Variants in RUVBL1 observed in about 807,000 individuals in gnomAD.
The protein encoded by RUVBL1 is RuvB like AAA ATPase 1, also known as ruvB-like 1.
A neutral mutation model predicts 52.4 loss-of-function variants in RUVBL1; 4 were observed. The ratio of observed to expected loss-of-function variants is 0.08; its 90% confidence interval spans 0.04 to 0.17. The LOEUF is 0.17. RUVBL1 is among the 10% of genes least tolerant of loss of function. The probability of loss-of-function intolerance (pLI) is 1.00; values close to 1 mark genes in which losing one functional copy is unlikely to be tolerated. For synonymous variants in RUVBL1, 217 were observed against 214.4 expected (o/e 1.01, Z -0.10); for missense variants, 298 against 572.8 (o/e 0.52, Z 4.90).
At chr3:128,101,169 A>G (rs774082045) in intron 5 of RUVBL1, among the ~76,000 whole-genome samples, 1 of 152,218 alleles carries the variant, frequency 6.6e-6, no homozygotes, top group Non-Finnish European at 1.5e-5. Context: ...AAGAATGCCA[A>G]CGAATGCAGC....
At chr3:128,125,103 C>T (rs1158226649), upstream of RUVBL1, among the ~76,000 whole-genome samples, 1 of 150,110 alleles carries the variant, frequency 6.7e-6, no homozygotes, top group Non-Finnish European at 1.5e-5. Context: ...CAAGCTCCGC[C>T]TCCCGGGTTC....
intron 8 of RUVBL1, among the ~76,000 whole-genome samples, chr3:128,090,482 G>A (rs1305336424): frequency 6.6e-6 from 1 of 152,198 alleles, no homozygotes; most frequent in East Asian, 1.9e-4. Context: ...TCGTGTCACT[G>A]CACTCCAGCC....
downstream of RUVBL1, among the ~76,000 whole-genome samples, chr3:128,080,107 C>T (rs1942428358): frequency 6.6e-6 from 1 of 152,134 alleles, no homozygotes; most frequent in Non-Finnish European, 1.5e-5. Context: ...GCCCTTGCTG[C>T]TTACTTAGTG....
chr3:128,104,199 G>A (rs1943171309), intron 4 of RUVBL1, among the ~76,000 whole-genome samples: 1 of 152,202 alleles, frequency 6.6e-6, no homozygotes, highest in Non-Finnish European at 1.5e-5. Context: ...ACAGGTGGCT[G>A]AGGACTGTCT....
chr3:128,143,766 G>A (rs1944065231), intron 1 of RUVBL1, among the ~76,000 whole-genome samples: 1 of 152,156 alleles, frequency 6.6e-6, no homozygotes, highest in Admixed American at 6.5e-5. Context: ...GATGGACCAT[G>A]CTGCTTGGTT....
chr3:128,077,396 T>C (rs944446201), downstream of RUVBL1, among the ~76,000 whole-genome samples: 2 of 152,116 alleles, frequency 1.3e-5, no homozygotes, highest in African/African-American at 4.8e-5. Context: ...AGTGGCTGCA[T>C]ACTGGAGGAA....
exon 10 of RUVBL1, chr3:128,064,894 G>T: frequency 6.2e-7 from 1 of 1,608,400 alleles, no homozygotes; most frequent in South Asian, 1.1e-5. Context: ...ATTTGAAGGT[G>T]CTATCATCGC....
intron 1 of RUVBL1, among the ~76,000 whole-genome samples, chr3:128,122,430 C>A (rs915754590): frequency 6.6e-6 from 1 of 152,128 alleles, no homozygotes; most frequent in African/African-American, 2.4e-5. Context: ...CATACTAAAG[C>A]GGGGAAGGGA....
Position 128,065,425 on chromosome 3 carries a change from A to G in RUVBL1, c.940-205T>C, listed in dbSNP as rs377323094. On this transcript the variant is annotated intron_variant, in intron 9 of 9. Transcript: ENST00000464873. ...AACTTCTGCATCTCGGAAACGGCCT[A>G]TCTTCTTAAGCTGTCTTACCTTTAA... Among the ~76,000 whole-genome samples, 237 of 152,324 alleles carry G rather than the reference A, an allele frequency of 1.6e-3. 1 individual carries two copies. Among genetic ancestry groups the G allele is most frequent in the African/African-American group, 5.5e-3 (230 of 41,578 alleles).
chr3:128,141,218 C>A (rs923939877), intron 1 of RUVBL1, among the ~76,000 whole-genome samples: 5 of 152,250 alleles, frequency 3.3e-5, no homozygotes, highest in African/African-American at 1.2e-4. Flanking sequence ...CTGGGGAAAT[C>A]TGACATAAAC....
intron 1 of RUVBL1, chr3:128,141,852 G>A (rs1386993912): frequency 6.6e-6 from 1 of 152,194 alleles, no homozygotes; most frequent in African/African-American, 2.4e-5. Context: ...AGTAGATTTT[G>A]TCATGCTTTT....
chr3:128,153,289 G>C, exon 1 of RUVBL1: 3 of 1,358,082 alleles, frequency 2.2e-6, no homozygotes, highest in Non-Finnish European at 9.4e-7. Context: ...CCACGTGAGA[G>C]AGAAACCCTG....
chr3:128,080,824 T>G lies in RUVBL1; in HGVS notation c.*426A>C. The G allele has an allele frequency of 6.1e-6, 1 of 162,722 alleles. No individual in the cohort carries two copies. The highest frequency in any genetic ancestry group is 1.3e-5 in the Non-Finnish European group (1 of 74,136). The allele number at this position is 162,722 out of a possible 1,614,324, so 10.1% of individuals were successfully genotyped here. A position where few individuals can be genotyped will look rare whatever the true frequency, so the allele number is the denominator to read the frequency against. On this transcript the variant is annotated 3_prime_UTR_variant, in exon 11 of 11. Transcript: ENST00000322623. ...TAAAACTGAGAAAATGTGAACGCAGTAGAATAATGCATCAGTATTGGTCAT... is the reference window on the plus strand; with the variant it reads ...TAAAACTGAGAAAATGTGAACGCAGGAGAATAATGCATCAGTATTGGTCAT...
chr3:128,087,173 A>G (rs1019925757), intron 9 of RUVBL1, among the ~76,000 whole-genome samples: 3 of 152,254 alleles, frequency 2.0e-5, no homozygotes, highest in African/African-American at 7.2e-5. Flanking sequence ...TACAGCAGAC[A>G]GGCTCTGCTA....
At chr3:128,144,846 C>T (rs1944079663) in intron 1 of RUVBL1, among the ~76,000 whole-genome samples, 2 of 152,182 alleles carry the variant, frequency 1.3e-5, no homozygotes, top group Non-Finnish European at 1.5e-5. Context: ...CCCTCCTTCC[C>T]CCCATTCTTG....
intron 1 of RUVBL1, among the ~76,000 whole-genome samples, chr3:128,145,037 A>C (rs1944082244): frequency 6.6e-6 from 1 of 152,302 alleles, no homozygotes; most frequent in African/African-American, 2.4e-5. Context: ...CAGAGGAAGG[A>C]GGAACGGAGA....
intron 7 of RUVBL1, 111 bp downstream of exon 7, chr3:128,098,771 T>C: frequency 1.1e-6 from 1 of 894,658 alleles, no homozygotes; most frequent in Non-Finnish European, 1.8e-6. Context: ...AAGAAAGAAC[T>C]GTTCTGAGGC....
At chr3:128,076,906 TGCCGGC>T (rs1942345847), downstream of RUVBL1, among the ~76,000 whole-genome samples, 3 of 152,126 alleles carry the variant, frequency 2.0e-5, no homozygotes, top group Admixed American at 6.5e-5. This position sits in a 1 kb window ranked among gnomAD's most constrained non-coding sequence, Gnocchi z 6.8. Flanking sequence ...TCCCCGCAGC[TGCCGGC>T]GTCCCCATTA....
At chr3:128,126,838 G>A (rs982049586), upstream of RUVBL1, among the ~76,000 whole-genome samples, 11 of 152,176 alleles carry the variant, frequency 7.2e-5, no homozygotes, top group African/African-American at 2.4e-4. Flanking sequence ...CCACTTCTGC[G>A]CACCACCACT....
Sources: gnomAD v4.1 joint callset for allele counts (sites outside exome capture counted in the v4.1 genomes callset) on GRCh38, gnomAD v4.1.1 for gene constraint, Gnocchi (gnomAD v3.1) non-coding constraint, MANE v1.5 for transcripts, NCBI Gene and HGNC (gene_info 2026-07-23, HGNC 2026-07-21) for gene names.